Variants in LRRC40 observed in about 807,000 individuals in gnomAD.
The protein encoded by LRRC40 is leucine-rich repeat-containing protein 40.
A neutral mutation model predicts 72.8 loss-of-function variants in LRRC40; 76 were observed. That is an observed-to-expected ratio of 1.04 (90% CI 0.87 to 1.26). LRRC40 has a LOEUF of 1.26. Ranked by LOEUF, LRRC40 falls within the 50% of genes most tolerant of loss-of-function variation. LRRC40 has a pLI of 0.00. For missense variants in LRRC40, 684 were observed against 698.9 expected, an observed-to-expected ratio of 0.98 and a Z score of 0.24; for synonymous variants, 243 against 254.2, an observed-to-expected ratio of 0.96 and a Z score of 0.42.
At chr1:70,146,714 T>C (rs934170115) in intron 14 of LRRC40, among the ~76,000 whole-genome samples, 1 of 152,160 alleles carries the variant, frequency 6.6e-6, no homozygotes, top group Non-Finnish European at 1.5e-5. Context: ...GTAATCAATG[T>C]ATCACCACCA....
At chr1:70,174,446 A>G (rs1668060408) in intron 7 of LRRC40, among the ~76,000 whole-genome samples, 1 of 152,120 alleles carries the variant, frequency 6.6e-6, no homozygotes, top group African/African-American at 2.4e-5. Flanking sequence ...CTACACGTTT[A>G]CTCAGGAGAA....
At chr1:70,199,297 T>C (rs557818529) in intron 1 of LRRC40, among the ~76,000 whole-genome samples, 1 of 151,760 alleles carries the variant, frequency 6.6e-6, no homozygotes, top group Non-Finnish European at 1.5e-5. Flanking sequence ...TGACTAACTC[T>C]GGTTGGCTTC....
chr1:70,159,492 A>C (rs1460890632), intron 9 of LRRC40, 54 bp from the exon 10 acceptor site: 1 of 774,974 alleles, frequency 1.3e-6, no homozygotes, highest in East Asian at 2.6e-5. Context: ...AGTCATTGTT[A>C]AAATTCTTGA....
intron 1 of LRRC40, among the ~76,000 whole-genome samples, chr1:70,200,715 T>G (rs988158859): frequency 3.3e-5 from 5 of 152,188 alleles, no homozygotes; most frequent in African/African-American, 1.2e-4. Flanking sequence ...GCTATTTGAA[T>G]AAGTATCTGT....
At chr1:70,200,905 C>T (rs1668723647) in intron 1 of LRRC40, among the ~76,000 whole-genome samples, 1 of 152,202 alleles carries the variant, frequency 6.6e-6, no homozygotes, top group Non-Finnish European at 1.5e-5. Context: ...GGCATGGTGG[C>T]TCATGCCTGT....
At chr1:70,201,732 G>A (rs1387891517) in intron 1 of LRRC40, among the ~76,000 whole-genome samples, 1 of 152,138 alleles carries the variant, frequency 6.6e-6, no homozygotes, top group African/African-American at 2.4e-5. Context: ...CAACACTTTG[G>A]GAGGCCGAGG....
chr1:70,196,112 G>GA (rs796209568), intron 1 of LRRC40, among the ~76,000 whole-genome samples: 81 of 125,150 alleles, frequency 6.5e-4, no homozygotes, highest in East Asian at 1.4e-3. Context: ...TTCTTTCTAA[G>GA]AAAAAAAAAA....
At chr1:70,148,933 C>A (rs1310413841) in intron 13 of LRRC40, among the ~76,000 whole-genome samples, 5 of 152,098 alleles carry the variant, frequency 3.3e-5, no homozygotes, top group Non-Finnish European at 5.9e-5. Flanking sequence ...AGAGTAAATT[C>A]TCCCAGTAAA....
intron 9 of LRRC40, among the ~76,000 whole-genome samples, chr1:70,172,619 G>C (rs1471100048): frequency 1.3e-5 from 2 of 152,036 alleles, no homozygotes; most frequent in African/African-American, 4.8e-5. Context: ...AATTTGTTCT[G>C]GAAGAGAAAG....
intron 1 of LRRC40, among the ~76,000 whole-genome samples, chr1:70,198,460 A>G (rs1417643154): frequency 1.3e-5 from 2 of 152,162 alleles, no homozygotes; most frequent in Non-Finnish European, 2.9e-5. Flanking sequence ...GCAACTGGAA[A>G]GCAACGATCA....
intron 14 of LRRC40, among the ~76,000 whole-genome samples, chr1:70,146,744 C>T (rs781277261): frequency 3.3e-5 from 5 of 152,150 alleles, no homozygotes; most frequent in Non-Finnish European, 5.9e-5. Context: ...CCCCTGCCTC[C>T]CAAAACATTA....
At chr1:70,195,808 G>A (rs998825648) in intron 1 of LRRC40, among the ~76,000 whole-genome samples, 4 of 152,060 alleles carry the variant, frequency 2.6e-5, no homozygotes, top group African/African-American at 7.2e-5. Context: ...GCTAATTTTT[G>A]TATTTTTAGT....
At chr1:70,171,813 TATC>T (rs1477145995) in intron 9 of LRRC40, among the ~76,000 whole-genome samples, 1 of 152,178 alleles carries the variant, frequency 6.6e-6, no homozygotes, top group East Asian at 1.9e-4. Flanking sequence ...AACATAGAGT[TATC>T]ATATGATCGA....
At position 70,181,255 on chromosome 1, in the gene LRRC40, A is replaced by G. The variant is rs777496328; in HGVS notation, c.538-46T>C. ...AATAAATGAATAAACAAGTAAAAAAATAAATAAATAATGCCCTAAAAAGGA... is the reference window on the plus strand; with the variant it reads ...AATAAATGAATAAACAAGTAAAAAAGTAAATAAATAATGCCCTAAAAAGGA... On this transcript the variant is annotated intron_variant, in intron 4 of 14. Coordinates refer to ENST00000370952, the MANE Select transcript of LRRC40 (RefSeq NM_017768.5). The G allele has an allele frequency of 5.0e-6, 6 of 1,197,162 alleles. No homozygotes were observed. In the African/African-American group the frequency reaches 8.0e-5, roughly 16 times the overall value. 74.2% of individuals were successfully genotyped at this position (1,197,162 alleles called of 1,614,324 possible).
intron 4 of LRRC40, among the ~76,000 whole-genome samples, chr1:70,181,692 G>C (rs910386940): frequency 2.0e-5 from 3 of 151,520 alleles, no homozygotes; most frequent in Non-Finnish European, 4.4e-5. Flanking sequence ...AAATTTTTGA[G>C]GAAAAAAAAA....
intron 10 of LRRC40, among the ~76,000 whole-genome samples, chr1:70,157,400 T>G (rs1378663105): frequency 1.3e-5 from 2 of 152,178 alleles, no homozygotes; most frequent in African/African-American, 4.8e-5. Flanking sequence ...GACACTCCTT[T>G]CCAGTTAAAG....
intron 6 of LRRC40, among the ~76,000 whole-genome samples, chr1:70,178,371 A>G (rs1478497139): frequency 6.6e-6 from 1 of 152,212 alleles, no homozygotes; most frequent in African/African-American, 2.4e-5. Flanking sequence ...AACTCTTTTA[A>G]CACTAGAGCT....
In LRRC40 at chr1:70,152,432, C is replaced by T. The variant is rs113562787; in HGVS notation, c.1439+1G>A. On this transcript the variant is annotated splice_donor_variant, in intron 12 of 14. Transcript: ENST00000370952. LOFTEE classifies it high-confidence loss of function. ...AGTCAAGCAATAGTATCAATAAATACCTGAGATCTAAAAAAGTCAATTTCT... is the reference window on the plus strand; with the variant it reads ...AGTCAAGCAATAGTATCAATAAATATCTGAGATCTAAAAAAGTCAATTTCT... The T allele has an allele frequency of 6.9e-7, 1 of 1,452,424 alleles. No individual in the cohort carries two copies. The highest frequency in any genetic ancestry group is 9.6e-7 in the Non-Finnish European group (1 of 1,036,904). The allele number at this position is 1,452,424 out of a possible 1,614,324, so 90.0% of individuals were successfully genotyped here. A position where few individuals can be genotyped will look rare whatever the true frequency, so the allele number is the denominator to read the frequency against.
intron 9 of LRRC40, among the ~76,000 whole-genome samples, chr1:70,162,938 C>A (rs772555469): frequency 2.0e-5 from 3 of 152,148 alleles, no homozygotes; most frequent in Non-Finnish European, 2.9e-5. Flanking sequence ...GTTGCTTTAA[C>A]AAATTACCAC....
Sources: gnomAD v4.1 joint callset for allele counts (sites outside exome capture counted in the v4.1 genomes callset) on GRCh38, gnomAD v4.1.1 for gene constraint, MANE v1.5 for transcripts, NCBI Gene and HGNC (gene_info 2026-07-23, HGNC 2026-07-21) for gene names.